Variants in AFF3 observed in about 807,000 individuals in gnomAD.
The protein encoded by AFF3 is AF4/FMR2 family member 3.
A neutral mutation model predicts 129.7 loss-of-function variants in AFF3; 32 were observed. The ratio of observed to expected loss-of-function variants is 0.25; its 90% CI spans 0.19 to 0.33. AFF3 has a LOEUF of 0.33. AFF3 is among the 10% of genes least tolerant of loss of function. The pLI is 1.00. For synonymous variants in AFF3, 644 were observed against 635.4 expected, an observed-to-expected ratio of 1.01 and a Z score of -0.20; for missense variants, 1,373 against 1,592.0, an observed-to-expected ratio of 0.86 and a Z score of 2.34.
At chr2:99,737,925 C>T (rs1680389101) in intron 10 of AFF3, among the ~76,000 whole-genome samples, 7 of 151,682 alleles carry the variant, frequency 4.6e-5, no homozygotes, top group Admixed American at 4.6e-4. Flanking sequence ...GTCTAATGTG[C>T]TGTTACATCT....
intron 7 of AFF3, among the ~76,000 whole-genome samples, chr2:99,983,031 T>C (rs111904912): frequency 9.2e-5 from 14 of 152,364 alleles, no homozygotes; most frequent in African/African-American, 2.9e-4. Flanking sequence ...GTATAATCCA[T>C]ACATAGTTTA....
chr2:99,713,300 C>T (rs943355709), intron 11 of AFF3, among the ~76,000 whole-genome samples: 1 of 147,332 alleles, frequency 6.8e-6, no homozygotes, highest in African/African-American at 2.5e-5. Context: ...GACAGAGTCT[C>T]GCTCTGTCGC....
At chr2:100,074,301 T>C (rs577651399) in intron 4 of AFF3, among the ~76,000 whole-genome samples, 1 of 152,294 alleles carries the variant, frequency 6.6e-6, no homozygotes, top group Admixed American at 6.5e-5. Flanking sequence ...CCTCCACCTG[T>C]CCAAAGTATT....
At chr2:99,567,511 T>C (rs926066632) in intron 19 of AFF3, among the ~76,000 whole-genome samples, 1 of 151,940 alleles carries the variant, frequency 6.6e-6, no homozygotes, top group African/African-American at 2.4e-5. Context: ...GCAAATGAGA[T>C]GGAGGAAAGT....
At chr2:99,992,190 T>C (rs963743133) in intron 7 of AFF3, among the ~76,000 whole-genome samples, 1 of 151,874 alleles carries the variant, frequency 6.6e-6, no homozygotes. Flanking sequence ...ATTTTATTTA[T>C]TTTTTTTACT....
intron 11 of AFF3, among the ~76,000 whole-genome samples, chr2:99,722,849 C>T (rs1363950769): frequency 6.6e-6 from 1 of 152,156 alleles, no homozygotes. Context: ...TCCCCTGACA[C>T]CTCAAGCCAT....
At chr2:99,947,053 A>G (rs1173090744) in intron 7 of AFF3, among the ~76,000 whole-genome samples, 2 of 152,184 alleles carry the variant, frequency 1.3e-5, no homozygotes, top group Admixed American at 1.3e-4. Context: ...TATTTATTCA[A>G]TATTTATTAT....
chr2:99,906,022 A>G lies in AFF3; in HGVS notation c.874-68498T>C, dbSNP rs116649024. Among the ~76,000 whole-genome samples the G allele has an allele frequency of 5.0e-3, 760 of 152,342 alleles. 7 individuals carry two copies. The highest frequency in any genetic ancestry group is 0.018 in the African/African-American group (735 of 41,584). On this transcript the variant is annotated intron_variant, in intron 7 of 24. Coordinates refer to ENST00000672756, the MANE Select transcript of AFF3 (RefSeq NM_001386135.1). Reference sequence around the variant, plus strand: ...ACTAATGCATGGCTGGAAACATAAAAGAAACTTTCATAGGTCCCAACACCA... The same window carrying G: ...ACTAATGCATGGCTGGAAACATAAAGGAAACTTTCATAGGTCCCAACACCA...
chr2:100,031,933 TA>T (rs1307663786), intron 4 of AFF3, among the ~76,000 whole-genome samples: 6 of 152,222 alleles, frequency 3.9e-5, no homozygotes, highest in African/African-American at 1.4e-4. Context: ...GAATTACAGC[TA>T]TATGCAACAA....
intron 7 of AFF3, 24 bp downstream of exon 7, chr2:100,006,608 T>C (rs762072023): frequency 6.3e-7 from 1 of 1,579,230 alleles, no homozygotes; most frequent in Non-Finnish European, 8.6e-7. Context: ...CAGTTGCATG[T>C]GAACGGTGCT....
intron 8 of AFF3, among the ~76,000 whole-genome samples, chr2:99,792,898 T>C (rs910715865): frequency 6.6e-6 from 1 of 152,194 alleles, no homozygotes; most frequent in African/African-American, 2.4e-5. Flanking sequence ...ATGAAAAATA[T>C]ATCTGGGACA....
chr2:99,822,436 C>T (rs10198332), intron 8 of AFF3, among the ~76,000 whole-genome samples: 285 of 152,284 alleles, frequency 1.9e-3, no homozygotes, highest in African/African-American at 6.6e-3. Context: ...ATTTCTTCTA[C>T]ATTCATCAAA....
chr2:99,897,418 G>A (rs1463219527), intron 7 of AFF3, among the ~76,000 whole-genome samples: 3 of 151,774 alleles, frequency 2.0e-5, no homozygotes, highest in African/African-American at 4.8e-5. Context: ...AGAGTCACAC[G>A]GACTGTGGCT....
chr2:99,980,380 A>G (rs1257544272), intron 7 of AFF3, among the ~76,000 whole-genome samples: 1 of 152,234 alleles, frequency 6.6e-6, no homozygotes. Context: ...AGGAGCATAC[A>G]TGAGCTGGCA....
intron 7 of AFF3, among the ~76,000 whole-genome samples, chr2:99,883,426 G>A (rs529851491): frequency 1.3e-5 from 2 of 152,102 alleles, no homozygotes; most frequent in Non-Finnish European, 2.9e-5. Context: ...CATTAAAAAC[G>A]CTAAAAAATA....
At chr2:99,633,959 G>T (rs1683375472) in intron 13 of AFF3, among the ~76,000 whole-genome samples, 1 of 135,198 alleles carries the variant, frequency 7.4e-6, no homozygotes, top group African/African-American at 2.9e-5. Context: ...CTGTCACCCA[G>T]GCTGGAGTGC....
chr2:100,135,581 T>A (rs182267722), intron 1 of AFF3, among the ~76,000 whole-genome samples: 25 of 152,194 alleles, frequency 1.6e-4, no homozygotes, highest in African/African-American at 6.0e-4. Flanking sequence ...TGGAAGGGGA[T>A]CCTCCTGCTC....
chr2:99,659,586 A>T (rs1686048250), intron 12 of AFF3, among the ~76,000 whole-genome samples: 1 of 152,162 alleles, frequency 6.6e-6, no homozygotes, highest in Admixed American at 6.5e-5. Flanking sequence ...AGGGGAAAAA[A>T]TAGAAAGTAA....
intron 4 of AFF3, among the ~76,000 whole-genome samples, chr2:100,069,009 TAAAC>T (rs1687956707): frequency 6.6e-6 from 1 of 152,166 alleles, no homozygotes; most frequent in Non-Finnish European, 1.5e-5. Flanking sequence ...TGTTATACAG[TAAAC>T]TTGTATCATG....
Sources: gnomAD v4.1 joint callset for allele counts (sites outside exome capture counted in the v4.1 genomes callset) on GRCh38, gnomAD v4.1.1 for gene constraint, MANE v1.5 for transcripts, NCBI Gene and HGNC (gene_info 2026-07-23, HGNC 2026-07-21) for gene names.